FRMPD4: variants seen among roughly 807,000 people sequenced by gnomAD.
FRMPD4 encodes the protein FERM and PDZ domain-containing protein 4.
A neutral mutation model predicts 94.1 loss-of-function variants in FRMPD4; 22 were observed. That is an observed-to-expected ratio of 0.23 (90% CI 0.17 to 0.33). The LOEUF (loss-of-function observed/expected upper bound fraction) is 0.33. FRMPD4 is among the 10% of genes least tolerant of loss of function. The pLI is 1.00. For missense variants in FRMPD4, 1,111 were observed against 1,339.9 expected (o/e 0.83, Z 2.67); for synonymous variants, 631 against 548.6 (o/e 1.15, Z -2.10).
chrX:12,684,851 C>T (rs929203703), intron 6 of FRMPD4, among the ~76,000 whole-genome samples: 9 of 112,342 alleles, frequency 8.0e-5, no homozygotes, highest in African/African-American at 2.6e-4. Flanking sequence ...TCCTGCAAGG[C>T]AGCTGATGTG....
intron 3 of FRMPD4, among the ~76,000 whole-genome samples, chrX:11,929,981 G>A (rs1275438284): frequency 9.3e-6 from 1 of 107,181 alleles, no homozygotes; most frequent in Non-Finnish European, 1.9e-5. Flanking sequence ...GGTGGCATGT[G>A]CCTGTAGTCC....
intron 2 of FRMPD4, among the ~76,000 whole-genome samples, chrX:12,587,791 T>G (rs992986623): frequency 2.1e-4 from 23 of 111,264 alleles, no homozygotes; most frequent in Admixed American, 9.6e-5. Context: ...TGAACACCTG[T>G]TTTAAATTCT....
intron 1 of FRMPD4, among the ~76,000 whole-genome samples, chrX:12,197,053 C>T (rs1235457845): frequency 9.0e-6 from 1 of 111,666 alleles, no homozygotes; most frequent in Non-Finnish European, 1.9e-5. Flanking sequence ...ATTAGCCTCT[C>T]CATCTCATAT....
At chrX:12,457,694 C>T (rs775859502) in intron 1 of FRMPD4, among the ~76,000 whole-genome samples, 11 of 111,851 alleles carry the variant, frequency 9.8e-5, no homozygotes, top group Middle Eastern at 9.2e-3. Context: ...AGTGTTGATT[C>T]TTGTGAAGTA....
chrX:12,150,380 T>C (rs2055831619), intron 1 of FRMPD4, among the ~76,000 whole-genome samples: 1 of 111,994 alleles, frequency 8.9e-6, no homozygotes, highest in Non-Finnish European at 1.9e-5. Flanking sequence ...CAGTGAACTG[T>C]TCCCTACCTC....
At chrX:12,172,817 CA>C (rs2056246339) in intron 1 of FRMPD4, among the ~76,000 whole-genome samples, 1 of 112,473 alleles carries the variant, frequency 8.9e-6, no homozygotes. Context: ...CCAAATCCAT[CA>C]TAGAAAAGAA....
At chrX:12,389,604 A>T (rs1358969774) in intron 1 of FRMPD4, among the ~76,000 whole-genome samples, 2 of 112,130 alleles carry the variant, frequency 1.8e-5, no homozygotes. Flanking sequence ...TGTATTCATA[A>T]ATATAACACG....
rs779157928 is a variant in FRMPD4 at position 12,478,539 on chromosome X, C to T, written c.42-20141C>T. 4.5e-5 allele frequency among the ~76,000 whole-genome samples: 5 copies of T among 112,248 alleles called. No homozygotes were observed. In the South Asian group the frequency reaches 1.9e-3, roughly 42 times the overall value. ...TCGAGGCTGCAGTGAGCCATGATCA[C>T]ACCACTGCTCTCCAGCCTTAGTGAC... On this transcript the variant is annotated intron_variant, in intron 1 of 16. Transcript: ENST00000675598.
rs2055913943 is a variant in FRMPD4, at chrX:12,155,101, G to A, written c.41+16089G>A. On this transcript the variant is annotated intron_variant, in intron 1 of 16. Coordinates refer to ENST00000675598, the MANE Select transcript of FRMPD4 (RefSeq NM_001368397.1). ...AAAGGGCAATGAAATGGTCTTCTCT[G>A]GCTCACCTTCACAGAGGCCCAAACA... 2.7e-5 allele frequency among the ~76,000 whole-genome samples: 3 copies of A among 112,129 alleles called. No individual in the cohort carries two copies. In the Admixed American group the frequency reaches 2.8e-4, roughly 11 times the overall value.
chrX:11,951,365 G>C (rs4609370), intron 3 of FRMPD4, among the ~76,000 whole-genome samples: 38,699 of 110,691 alleles, frequency 0.35, 5,392 homozygotes, highest in East Asian at 0.82. Flanking sequence ...TGATAGACTG[G>C]ATAAAGAAAA....
chrX:11,969,271 C>A (rs985776227), intron 3 of FRMPD4, among the ~76,000 whole-genome samples: 1 of 112,267 alleles, frequency 8.9e-6, no homozygotes, highest in African/African-American at 3.2e-5. Context: ...CCTTGAAAAT[C>A]TTCTTGGGTG....
intron 3 of FRMPD4, among the ~76,000 whole-genome samples, chrX:12,033,885 C>T (rs1197232879): frequency 3.6e-5 from 4 of 111,415 alleles, no homozygotes; most frequent in Admixed American, 9.5e-5. Flanking sequence ...TTAGTAGAGA[C>T]GGGATTTCTT....
intron 1 of FRMPD4, among the ~76,000 whole-genome samples, chrX:12,303,669 T>C (rs1032700584): frequency 9.0e-6 from 1 of 111,673 alleles, no homozygotes; most frequent in Non-Finnish European, 1.9e-5. Context: ...TCCTCTTTAT[T>C]ACTTGGGTGA....
chrX:12,069,222 C>T (rs140644081), intron 3 of FRMPD4, among the ~76,000 whole-genome samples: 2 of 111,418 alleles, frequency 1.8e-5, no homozygotes, highest in Non-Finnish European at 3.8e-5. Context: ...TGGAGATAAG[C>T]CTTGCAAACG....
intron 3 of FRMPD4, among the ~76,000 whole-genome samples, chrX:11,950,667 C>T (rs1020070357): frequency 9.0e-6 from 1 of 111,672 alleles, no homozygotes. Flanking sequence ...ATGCAGCCAA[C>T]AAGCATATTT....
At chrX:12,020,144 T>C (rs959614385) in intron 3 of FRMPD4, among the ~76,000 whole-genome samples, 2 of 112,177 alleles carry the variant, frequency 1.8e-5, no homozygotes, top group African/African-American at 6.5e-5. Context: ...TCTTGGGTTA[T>C]GAATATCAAC....
chrX:12,570,838 T>C (rs1170289984), intron 2 of FRMPD4, among the ~76,000 whole-genome samples: 1 of 110,788 alleles, frequency 9.0e-6, no homozygotes, highest in Admixed American at 9.7e-5. Flanking sequence ...AAAAGGATAG[T>C]TCTCCAGAGC....
chrX:12,194,974 C>T (rs1362581742), intron 1 of FRMPD4, among the ~76,000 whole-genome samples: 1 of 112,094 alleles, frequency 8.9e-6, no homozygotes, highest in Non-Finnish European at 1.9e-5. Context: ...TAATTCTATC[C>T]TTTCTTTTTA....
At position 12,504,078 on chromosome X, in the gene FRMPD4, C is replaced by T. The variant is rs1331511910; in HGVS notation, c.158+5282C>T. 2.7e-5 allele frequency among the ~76,000 whole-genome samples: 3 copies of T among 112,132 alleles called. No individual in the cohort carries two copies. In the East Asian group the frequency reaches 8.3e-4, roughly 31 times the overall value. ...TATCAAGCCTACGTTTTAATACACA[C>T]CCAACAAAGGACAAATTGATCTGAG... On this transcript the variant is annotated intron_variant, in intron 2 of 16. Transcript: ENST00000675598.
Sources: gnomAD v4.1 joint callset for allele counts (sites outside exome capture counted in the v4.1 genomes callset) on GRCh38, gnomAD v4.1.1 for gene constraint, MANE v1.5 for transcripts, NCBI Gene and HGNC (gene_info 2026-07-23, HGNC 2026-07-21) for gene names.